Variants in KDELR2 observed in about 807,000 individuals in gnomAD.
The protein encoded by KDELR2 is KDEL endoplasmic reticulum protein retention receptor 2.
In KDELR2, 15 loss-of-function variants were observed where a neutral mutation model predicts 23.9. The ratio of observed to expected loss-of-function variants is 0.63; its 90% CI spans 0.42 to 0.97. The LOEUF (loss-of-function observed/expected upper bound fraction) is 0.97. Ranked by LOEUF, KDELR2 falls within the 50% of genes least tolerant of loss-of-function variation. The probability of loss-of-function intolerance (pLI) is 0.00; values close to 1 mark genes in which losing one functional copy is unlikely to be tolerated. For missense variants in KDELR2, 272 were observed against 254.6 expected, an observed-to-expected ratio of 1.07 and a Z score of -0.46; for synonymous variants, 119 against 106.2, an observed-to-expected ratio of 1.12 and a Z score of -0.74.
intron 3 of KDELR2, 152 bp from the exon 4 acceptor site, chr7:6,466,475 A>G (rs1785507124): frequency 1.1e-6 from 1 of 884,728 alleles, no homozygotes; most frequent in Non-Finnish European, 1.7e-6. Context: ...GCAACTGCAT[A>G]ACCCAGTGGT....
intron 1 of KDELR2, chr7:6,482,510 C>T (rs1785922324): frequency 2.2e-6 from 1 of 458,342 alleles, no homozygotes; most frequent in Non-Finnish European, 4.5e-6. Flanking sequence ...CTTTGTAACA[C>T]CCATCTTAAC....
chr7:6,478,701 A>C (rs1785811419), intron 1 of KDELR2, among the ~76,000 whole-genome samples: 1 of 152,206 alleles, frequency 6.6e-6, no homozygotes, highest in African/African-American at 2.4e-5. Context: ...CTTCCTCACC[A>C]GCCTTCCTGG....
At chr7:6,471,988 C>T (rs935773580) in intron 2 of KDELR2, among the ~76,000 whole-genome samples, 1 of 151,774 alleles carries the variant, frequency 6.6e-6, no homozygotes, top group African/African-American at 2.4e-5. Flanking sequence ...GCAACCTCCG[C>T]TTCCCGGGTT....
intron 1 of KDELR2, among the ~76,000 whole-genome samples, chr7:6,478,932 G>A (rs890625839): frequency 6.6e-6 from 1 of 151,808 alleles, no homozygotes; most frequent in Admixed American, 6.6e-5. Flanking sequence ...GGGACTACAG[G>A]TGCCTGCCAC....
rs1388032116 is a variant in KDELR2 at position 6,462,785 on chromosome 7, CTT to C, written c.*354_*355del. 1 of 525,808 alleles carries C rather than the reference CTT, an allele frequency of 1.9e-6. No individual in the cohort carries two copies. The highest frequency in any genetic ancestry group is 3.3e-6 in the Non-Finnish European group (1 of 302,766). 32.6% of individuals were successfully genotyped at this position (525,808 alleles called of 1,614,324 possible). A position where few individuals can be genotyped will look rare whatever the true frequency, so the allele number is the denominator to read the frequency against. On this transcript the variant is annotated 3_prime_UTR_variant, in exon 5 of 5. Coordinates refer to ENST00000258739, the MANE Select transcript of KDELR2 (RefSeq NM_006854.4). Reference sequence around the variant, plus strand: ...TACAATTTCATTGCAGACACAAAGACTTAAGAGTTTCAAAGAATTTTTTAAAA... The same window carrying C: ...TACAATTTCATTGCAGACACAAAGACAAGAGTTTCAAAGAATTTTTTAAAA...
intron 3 of KDELR2, 130 bp downstream of exon 3, chr7:6,469,466 A>G: frequency 1.3e-6 from 1 of 765,854 alleles, no homozygotes; most frequent in Non-Finnish European, 2.1e-6. Flanking sequence ...CATGTTGGCC[A>G]GGCTGGTCTC....
Position 6,482,938 on chromosome 7 carries a change from A to G in KDELR2, c.91+1029T>C, listed in dbSNP as rs1367668969. 4.0e-5 allele frequency among the ~76,000 whole-genome samples: 6 copies of G among 151,510 alleles called. No individual in the cohort carries two copies. In the East Asian group the frequency reaches 1.2e-3, roughly 29 times the overall value. ...GAGGATTACCTGAGCCAGGGGAGGT[A>G]GAGGCTGCAGTGAGCAGTGATCACA... is the stretch of plus-strand genomic sequence containing the variant. On this transcript the variant is annotated intron_variant, in intron 1 of 4. Transcript: ENST00000258739.
chr7:6,470,029 C>T (rs1785595074), intron 2 of KDELR2: 3 of 281,960 alleles, frequency 1.1e-5, no homozygotes, highest in Non-Finnish European at 2.0e-5. Context: ...AGGCTTCCTT[C>T]ACCTCCTGCA....
chr7:6,480,927 G>T lies in KDELR2; in HGVS notation c.91+3040C>A, dbSNP rs181317649. ...GAAATCATCCTAAGTCTGAGAACAA[G>T]AACAATTTAATAATGTCCCGGGAAT... On this transcript the variant is annotated intron_variant, in intron 1 of 4. Coordinates refer to ENST00000258739, the MANE Select transcript of KDELR2 (RefSeq NM_006854.4). 1.5e-4 allele frequency among the ~76,000 whole-genome samples: 23 copies of T among 152,262 alleles called. No individual in the cohort carries two copies. In the East Asian group the frequency reaches 4.2e-3, roughly 28 times the overall value.
At chr7:6,470,611 A>G (rs1305503814) in intron 2 of KDELR2, among the ~76,000 whole-genome samples, 1 of 152,162 alleles carries the variant, frequency 6.6e-6, no homozygotes, top group Non-Finnish European at 1.5e-5. Flanking sequence ...ACCACAATAA[A>G]CAATGTAGTA....
Position 6,462,174 on chromosome 7 carries a change from G to C in KDELR2, c.*967C>G, listed in dbSNP as rs886623213. ...AAAAAGAATGTAAGGAATGGTTAGT[G>C]GTGCTGCCAATTAAAAAAAAAACTG... On this transcript the variant is annotated 3_prime_UTR_variant, in exon 5 of 5. Coordinates refer to ENST00000258739, the MANE Select transcript of KDELR2 (RefSeq NM_006854.4). 2 of 131,944 alleles carry C rather than the reference G, an allele frequency of 1.5e-5. No homozygotes were observed. The highest frequency in any genetic ancestry group is 3.2e-5 in the Non-Finnish European group (2 of 61,918). The allele number at this position is 131,944 out of a possible 1,614,324, so 8.2% of individuals were successfully genotyped here.
intron 2 of KDELR2, among the ~76,000 whole-genome samples, chr7:6,472,135 A>G (rs1583318344): frequency 6.6e-6 from 1 of 152,170 alleles, no homozygotes; most frequent in East Asian, 1.9e-4. Context: ...ATGTATGTGA[A>G]TAAATACAAA....
At chr7:6,463,241 T>C (rs1785426480) in intron 4 of KDELR2, 66 bp from the exon 5 acceptor site, 2 of 1,289,326 alleles carry the variant, frequency 1.6e-6, no homozygotes, top group Non-Finnish European at 2.2e-6. Flanking sequence ...AGCTTCCTTC[T>C]TCCCATTCCT....
At chr7:6,482,365 T>C (rs971800165) in intron 1 of KDELR2, 22 of 281,886 alleles carry the variant, frequency 7.8e-5, no homozygotes, top group Admixed American at 7.6e-4. Context: ...CTACTTGATA[T>C]ACAGCAAGTG....
chr7:6,476,888 G>A (rs1312849549), intron 1 of KDELR2, among the ~76,000 whole-genome samples: 1 of 152,190 alleles, frequency 6.6e-6, no homozygotes, highest in Non-Finnish European at 1.5e-5. Context: ...TCAGTACCAA[G>A]ATCTTTAAAG....
At position 6,465,808 on chromosome 7, in the gene KDELR2, G is replaced by A. The variant is rs1785491966; in HGVS notation, c.604+263C>T. ...TCATGTGTCTGTGTATGCATAGAGA[G>A]GTATCTGGTGTTAATGTTCACTGAA... On this transcript the variant is annotated intron_variant, in intron 4 of 4. Coordinates refer to ENST00000258739, the MANE Select transcript of KDELR2 (RefSeq NM_006854.4). 2.0e-5 allele frequency among the ~76,000 whole-genome samples: 3 copies of A among 152,256 alleles called. No individual in the cohort carries two copies. The South Asian group carries it at 6.2e-4, about 32-fold the overall frequency.
At chr7:6,474,463 A>G (rs1443302822) in intron 1 of KDELR2, among the ~76,000 whole-genome samples, 179 bp from the exon 2 acceptor site, 6 of 152,150 alleles carry the variant, frequency 3.9e-5, no homozygotes, top group African/African-American at 1.4e-4. Context: ...CCATTCCCAA[A>G]CATGCTCCTT....
rs1028413124 is a variant in KDELR2 at position 6,469,599 on chromosome 7, A to T, written c.348T>A (p.Leu116=). Residue 116 remains leucine, a synonymous_variant, in exon 3 of 5, where the codon CTT becomes CTA. Coordinates refer to ENST00000258739, the MANE Select transcript of KDELR2 (RefSeq NM_006854.4). ...CTAAGTAACCTTTTAAACTAACCTC[A>T]AGAGGAGAGAAATCGTGATTAACTA... ...SFLVNHDFSP[L]EILWTFSIYL... The T allele has an allele frequency of 1.2e-6, 2 of 1,613,508 alleles. No homozygotes were observed. The highest frequency in any genetic ancestry group is 3.3e-5 in the Admixed American group (2 of 59,920).
chr7:6,469,565 T>C (rs1038557825), intron 3 of KDELR2, 31 bp downstream of exon 3: 16 of 1,604,646 alleles, frequency 1.0e-5, no homozygotes, highest in Non-Finnish European at 1.4e-5. Context: ...TGAGCCACCA[T>C]GCCTGGCCCT....
Sources: gnomAD v4.1 joint callset for allele counts (sites outside exome capture counted in the v4.1 genomes callset) on GRCh38, gnomAD v4.1.1 for gene constraint, MANE v1.5 for transcripts, NCBI Gene and HGNC (gene_info 2026-07-23, HGNC 2026-07-21) for gene names.